Variants in ZC3H3 observed in about 807,000 individuals in gnomAD.
ZC3H3 encodes the protein zinc finger CCCH-type containing 3.
Under a neutral mutation model 77.3 loss-of-function variants are expected in ZC3H3, and 36 were observed. The ratio of observed to expected loss-of-function variants is 0.47; its 90% CI spans 0.36 to 0.61. ZC3H3 has a LOEUF of 0.61. Among genes scored for constraint, ZC3H3 ranks in the 20% least tolerant of loss-of-function variants. The pLI is 0.00. For synonymous variants in ZC3H3, 626 were observed against 555.2 expected (o/e 1.13, Z -1.79); for missense variants, 1,331 against 1,312.2 (o/e 1.01, Z -0.22).
chr8:143,502,118 C>T (rs1018769147), intron 4 of ZC3H3, among the ~76,000 whole-genome samples: 1 of 152,274 alleles, frequency 6.6e-6, no homozygotes, highest in Admixed American at 6.5e-5. Context: ...TCTGTAAACC[C>T]GGAAGAAGGC....
At chr8:143,497,686 A>T (rs1821392473) in intron 4 of ZC3H3, among the ~76,000 whole-genome samples, 1 of 152,200 alleles carries the variant, frequency 6.6e-6, no homozygotes, top group African/African-American at 2.4e-5. Flanking sequence ...CTGAACACAG[A>T]TGTCACACCT....
intron 4 of ZC3H3, among the ~76,000 whole-genome samples, chr8:143,492,049 G>T (rs117169455): frequency 6.6e-6 from 1 of 152,218 alleles, no homozygotes; most frequent in African/African-American, 2.4e-5. Context: ...AAAGCAGAAA[G>T]AGGGCACACT....
chr8:143,536,436 T>C lies in ZC3H3; in HGVS notation c.1382A>G (p.Lys461Arg), dbSNP rs144697732. 3.3e-5 allele frequency: 50 copies of C among 1,526,320 alleles called. No individual in the cohort carries two copies. The African/African-American group carries it at 5.9e-4, about 18-fold the overall frequency. The allele number at this position is 1,526,320 out of a possible 1,614,324, so 94.5% of individuals were successfully genotyped here. Residue 461 changes from lysine (K) to arginine (R), a missense_variant, in exon 3 of 12, where the codon AAA (lysine) becomes AGA (arginine). This residue lies in a region of ZC3H3 where 978 missense variants were observed against 915.5 expected (regional missense o/e 1.07). Coordinates refer to ENST00000262577, the MANE Select transcript of ZC3H3 (RefSeq NM_015117.3). Reference sequence around the variant, plus strand: ...GGTGGCGGCAGGTGAGGTGCCGCTTTTCTTGTCTCCAGGAAGGCTGTGGAG... The same window carrying C: ...GGTGGCGGCAGGTGAGGTGCCGCTTCTCTTGTCTCCAGGAAGGCTGTGGAG... ...RSSTSLPGDK[K>R]SGTSPAATAK...
chr8:143,459,881 G>C (rs1038227254), intron 9 of ZC3H3, among the ~76,000 whole-genome samples: 1 of 152,084 alleles, frequency 6.6e-6, no homozygotes, highest in African/African-American at 2.4e-5. Context: ...AAAAATGAAA[G>C]CTTTTCTTCT....
At chr8:143,446,574 A>C (rs777049539) in intron 9 of ZC3H3, among the ~76,000 whole-genome samples, 3 of 152,264 alleles carry the variant, frequency 2.0e-5, no homozygotes, top group Non-Finnish European at 4.4e-5. Context: ...AGGCCTTAGA[A>C]ACATGGGAAA....
intron 9 of ZC3H3, among the ~76,000 whole-genome samples, chr8:143,449,694 C>A (rs4874124): frequency 6.6e-6 from 1 of 151,948 alleles, no homozygotes; most frequent in African/African-American, 2.4e-5. Flanking sequence ...GCTGAGATTG[C>A]GCCACTGCAT....
rs1822550389 is a variant in ZC3H3 at position 143,530,025 on chromosome 8, C to T, written c.1561+6232G>A. On this transcript the variant is annotated intron_variant, in intron 3 of 11. Transcript: ENST00000262577. This position sits in a 1 kb window ranked among gnomAD's most constrained non-coding sequence, Gnocchi z 4.3. ...AAATGCTGACAGCAGTTCCTCCACA[C>T]CCAGGGGCGGGCACGGCAGACTGAG... is the stretch of plus-strand genomic sequence containing the variant. Among the ~76,000 whole-genome samples, 1 of 152,228 alleles carries T rather than the reference C, an allele frequency of 6.6e-6. No homozygotes were observed. The highest frequency in any genetic ancestry group is 1.5e-5 in the Non-Finnish European group (1 of 68,034).
In ZC3H3 at chr8:143,451,620, C is replaced by T. The variant is rs190160659; in HGVS notation, c.2308-10500G>A. The stretch of plus-strand genomic sequence containing the variant: ...CCAACATGGTGACACCCTGTCTCTA[C>T]TAAAAATATAAAAATTAGCCTTGCA... On this transcript the variant is annotated intron_variant, in intron 9 of 11. Transcript: ENST00000262577. Among the ~76,000 whole-genome samples, 10 of 151,880 alleles carry T rather than the reference C, an allele frequency of 6.6e-5. 1 individual carries two copies. The South Asian group carries it at 1.9e-3, about 29-fold the overall frequency.
chr8:143,444,968 A>C (rs1270297649), intron 9 of ZC3H3, among the ~76,000 whole-genome samples: 1 of 152,226 alleles, frequency 6.6e-6, no homozygotes, highest in Non-Finnish European at 1.5e-5. Context: ...TAGTTCAGCA[A>C]AGTTGCTGGA....
intron 9 of ZC3H3, among the ~76,000 whole-genome samples, chr8:143,463,571 C>G (rs1410828756): frequency 6.6e-6 from 1 of 152,236 alleles, no homozygotes; most frequent in Non-Finnish European, 1.5e-5. Context: ...ACAGACACAG[C>G]TGGCTATTAA....
intron 5 of ZC3H3, among the ~76,000 whole-genome samples, chr8:143,471,405 C>T (rs1820559425): frequency 6.6e-6 from 1 of 152,202 alleles, no homozygotes; most frequent in Non-Finnish European, 1.5e-5. Flanking sequence ...GCGCAGAGGC[C>T]GGACGTGCCA....
chr8:143,486,866 CAG>C (rs1821071554), intron 4 of ZC3H3, among the ~76,000 whole-genome samples: 1 of 88,214 alleles, frequency 1.1e-5, no homozygotes, highest in African/African-American at 5.3e-5. Flanking sequence ...CCACGAAGCT[CAG>C]ACACAGAACA....
At chr8:143,531,362 AC>A (rs1822600423) in intron 3 of ZC3H3, among the ~76,000 whole-genome samples, 1 of 151,760 alleles carries the variant, frequency 6.6e-6, no homozygotes, top group African/African-American at 2.4e-5. Context: ...AGAGGAAGAG[AC>A]CCCCAGGAAT....
intron 3 of ZC3H3, 76 bp downstream of exon 3, chr8:143,536,181 C>T: frequency 6.7e-7 from 1 of 1,487,144 alleles, no homozygotes; most frequent in East Asian, 2.4e-5. Flanking sequence ...GGAAGGTGCC[C>T]ATGGCTCCTA....
In ZC3H3 at chr8:143,533,768, T is replaced by G. The variant is rs747996594; in HGVS notation, c.1561+2489A>C. 2.0e-5 allele frequency among the ~76,000 whole-genome samples: 3 copies of G among 150,620 alleles called. No individual in the cohort carries two copies. On this transcript the variant is annotated intron_variant, in intron 3 of 11. Coordinates refer to ENST00000262577, the MANE Select transcript of ZC3H3 (RefSeq NM_015117.3). This position sits in a 1 kb window ranked among gnomAD's most constrained non-coding sequence, Gnocchi z 4.0. ...ATGGCACGATCTAACCTCTGCCTCCTGGGTTCAAGTGATTCTCCTGCCTCA... is the reference window on the plus strand; with the variant it reads ...ATGGCACGATCTAACCTCTGCCTCCGGGGTTCAAGTGATTCTCCTGCCTCA...
At chr8:143,508,921 A>G (rs1218183762) in intron 3 of ZC3H3, among the ~76,000 whole-genome samples, 1 of 152,008 alleles carries the variant, frequency 6.6e-6, no homozygotes, top group African/African-American at 2.4e-5. Flanking sequence ...AACTGTTACC[A>G]TTTCCCAAAT....
At chr8:143,475,335 C>T in intron 5 of ZC3H3, 63 bp downstream of exon 5, 3 of 1,544,062 alleles carry the variant, frequency 1.9e-6, no homozygotes, top group Admixed American at 1.9e-5. Flanking sequence ...GTCTGGCCTG[C>T]AATGCCCACC....
chr8:143,473,319 T>C (rs1820631013), intron 5 of ZC3H3, among the ~76,000 whole-genome samples: 1 of 152,136 alleles, frequency 6.6e-6, no homozygotes, highest in South Asian at 2.1e-4. Context: ...CTGTCCCTTC[T>C]GGGCCCTCTC....
At chr8:143,483,650 G>T (rs1820969834) in intron 4 of ZC3H3, among the ~76,000 whole-genome samples, 1 of 152,190 alleles carries the variant, frequency 6.6e-6, no homozygotes, top group Admixed American at 6.5e-5. Context: ...ATGCTCAAGG[G>T]CCTGTGGCTG....
Sources: allele counts gnomAD v4.1 joint callset (sites outside exome capture counted in the v4.1 genomes callset), GRCh38; gene constraint gnomAD v4.1.1; regional missense constraint gnomAD v4.1.1; non-coding constraint Gnocchi (gnomAD v3.1); transcripts MANE v1.5; gene names NCBI Gene and HGNC (gene_info 2026-07-23, HGNC 2026-07-21).